ITGB8: variants seen among roughly 807,000 people sequenced by gnomAD.
ITGB8 encodes the protein integrin beta-8.
A neutral mutation model predicts 89.5 loss-of-function variants in ITGB8; 30 were observed. The observed-to-expected ratio is 0.34, with a 90% CI of 0.25 to 0.45. The LOEUF (loss-of-function observed/expected upper bound fraction) is 0.45, where lower values mean the gene tolerates loss of function less well. Ranked by LOEUF, ITGB8 falls within the 20% of genes least tolerant of loss-of-function variation. The pLI, the probability that ITGB8 is intolerant of heterozygous loss-of-function variation, is 1.00. For missense variants in ITGB8, 836 were observed against 933.3 expected, an observed-to-expected ratio of 0.90 and a Z score of 1.36; for synonymous variants, 335 against 320.4, an observed-to-expected ratio of 1.05 and a Z score of -0.49.
chr7:20,393,965 AT>A (rs1279334910), intron 7 of ITGB8, among the ~76,000 whole-genome samples: 1 of 152,206 alleles, frequency 6.6e-6, no homozygotes, highest in Non-Finnish European at 1.5e-5. Context: ...TGTCATTTAT[AT>A]GCTTGTGAGA....
rs1222532712 is a variant in ITGB8 at position 20,331,932 on chromosome 7, T to G, written c.126T>G (p.Gly42=). The G allele has an allele frequency of 1.2e-6, 2 of 1,613,538 alleles. No individual in the cohort carries two copies. Among genetic ancestry groups the G allele is most frequent in the Non-Finnish European group, 1.7e-6 (2 of 1,179,848 alleles). The part of the protein sequence containing the change: ...VFSLVLGLGQ[G]EDNRCASSNA... ...CACTTGTTCTTGGACTGGGCCAAGG[T>G]GGTAAGTTGTTTTGTTTTGTTTTGT... Residue 42 remains glycine (G), a splice_region_variant and synonymous_variant, in exon 1 of 14, where the codon GGT becomes GGG. Transcript: ENST00000222573.
At chr7:20,356,767 T>G (rs1419779205) in intron 1 of ITGB8, among the ~76,000 whole-genome samples, 1 of 152,196 alleles carries the variant, frequency 6.6e-6, no homozygotes, top group East Asian at 1.9e-4. Flanking sequence ...GAAATTTTAT[T>G]GACTTTACTA....
chr7:20,379,077 G>A lies in ITGB8; in HGVS notation c.415G>A (p.Val139Ile), dbSNP rs764549421. The A allele has an allele frequency of 1.3e-6, 2 of 1,591,424 alleles. No individual in the cohort carries two copies. Among genetic ancestry groups the A allele is most frequent in the Admixed American group, 1.8e-5 (1 of 57,056 alleles). Reference protein sequence around the residue: ...PGAEANFMLKVHPLKKYPVDL... With the variant: ...PGAEANFMLKIHPLKKYPVDL... ...AGCCGAAGCTAATTTTATGCTGAAA[G>A]TTCATCCTCTGAAGAAATATCCTGT... Residue 139 changes from valine to isoleucine, a missense_variant, in exon 4 of 14, where the codon GTT (valine) becomes ATT (isoleucine). Transcript: ENST00000222573.
At chr7:20,370,422 T>C (rs1037983259) in intron 3 of ITGB8, among the ~76,000 whole-genome samples, 1 of 151,322 alleles carries the variant, frequency 6.6e-6, no homozygotes, top group Non-Finnish European at 1.5e-5. Flanking sequence ...TAAAAAGTTA[T>C]AAATGTTTAT....
chr7:20,412,987 T>C lies in ITGB8; in HGVS notation c.*2990T>C, dbSNP rs1316694103. 2.6e-5 allele frequency: 4 copies of C among 152,508 alleles called. No individual in the cohort carries two copies. Among genetic ancestry groups the C allele is most frequent in the African/African-American group, 9.7e-5 (4 of 41,450 alleles). 9.4% of individuals were successfully genotyped at this position (152,508 alleles called of 1,614,324 possible). On this transcript the variant is annotated 3_prime_UTR_variant, in exon 14 of 14. Transcript: ENST00000222573. ...GAACAACACTTTTAGTACTGCAGCA[T>C]TTTTGTGCCCTAAAGTATGTAATGA...
Position 20,404,714 on chromosome 7 carries a change from C to A in ITGB8, c.1774C>A (p.His592Asn). Reference protein sequence around the residue: ...RCQCPSAAAQHCVNSKGQVCS... With the variant: ...RCQCPSAAAQNCVNSKGQVCS... ...CCAGTGCCCTTCAGCAGCAGCCCAG[C>A]ACTGTGTCAATTCAAAGGGCCAAGT... Residue 592 changes from histidine to asparagine, a missense_variant, in exon 11 of 14, where the codon CAC becomes AAC. Transcript: ENST00000222573. 6.2e-7 allele frequency: 1 copy of A among 1,614,188 alleles called. No individual in the cohort carries two copies. Among genetic ancestry groups the A allele is most frequent in the Non-Finnish European group, 8.5e-7 (1 of 1,180,020 alleles).
chr7:20,378,967 G>A, intron 3 of ITGB8, 84 bp from the exon 4 acceptor site: 3 of 1,075,512 alleles, frequency 2.8e-6, no homozygotes, highest in South Asian at 1.8e-5. Context: ...TGTGCTAGGT[G>A]CTAGAATGTG....
chr7:20,354,652 A>G (rs1300215958), intron 1 of ITGB8, among the ~76,000 whole-genome samples: 1 of 152,222 alleles, frequency 6.6e-6, no homozygotes. Flanking sequence ...TCAAGTCTGA[A>G]TATGGCTGCT....
intron 1 of ITGB8, among the ~76,000 whole-genome samples, chr7:20,346,050 G>T (rs1253942504): frequency 2.6e-5 from 4 of 152,088 alleles, no homozygotes; most frequent in African/African-American, 9.7e-5. Flanking sequence ...CAGGATGGTG[G>T]GTGACATAAT....
At chr7:20,407,776 A>G (rs1342120212) in intron 12 of ITGB8, among the ~76,000 whole-genome samples, 4 of 152,196 alleles carry the variant, frequency 2.6e-5, no homozygotes, top group Non-Finnish European at 4.4e-5. Flanking sequence ...TGTTACAAAA[A>G]GTATTCTCTT....
At chr7:20,407,346 T>TAA (rs577817113) in intron 12 of ITGB8, among the ~76,000 whole-genome samples, 1 of 144,256 alleles carries the variant, frequency 6.9e-6, no homozygotes, top group South Asian at 2.2e-4. Context: ...TAAAGCTGTT[T>TAA]AAAAAAAAAA....
At position 20,399,149 on chromosome 7, in the gene ITGB8, G is replaced by C; in HGVS notation, c.1281+155G>C. 5.6e-6 allele frequency: 4 copies of C among 710,624 alleles called. No individual in the cohort carries two copies. In the South Asian group the frequency reaches 6.3e-5, roughly 11 times the overall value. The allele number at this position is 710,624 out of a possible 1,614,324, so 44.0% of individuals were successfully genotyped here. A position where few individuals can be genotyped will look rare whatever the true frequency, so the allele number is the denominator to read the frequency against. ...GAAACTTTCATTGTCTCTCCTCAAA[G>C]TTCCTACTTGTTTTAGCTCAGCTGA... On this transcript the variant is annotated intron_variant, in intron 9 of 13. Transcript: ENST00000222573.
intron 3 of ITGB8, among the ~76,000 whole-genome samples, chr7:20,369,026 G>T (rs529324840): frequency 6.6e-6 from 1 of 152,180 alleles, no homozygotes; most frequent in African/African-American, 2.4e-5. Context: ...TCAGCTTTCT[G>T]ACTCAAATGA....
At chr7:20,381,108 C>T (rs772989796) in intron 5 of ITGB8, 2 of 292,628 alleles carry the variant, frequency 6.8e-6, no homozygotes, top group Non-Finnish European at 1.3e-5. Flanking sequence ...TCATGCGCCA[C>T]ACTCCAAGGA....
rs1218094017 is a variant in ITGB8, at chr7:20,410,574, A to G, written c.*577A>G. The G allele has an allele frequency of 6.6e-6, 1 of 152,336 alleles. No individual in the cohort carries two copies. The highest frequency in any genetic ancestry group is 1.5e-5 in the Non-Finnish European group (1 of 68,100). The allele number at this position is 152,336 out of a possible 1,614,324, so 9.4% of individuals were successfully genotyped here. A position where few individuals can be genotyped will look rare whatever the true frequency, so the allele number is the denominator to read the frequency against. ...AAGATTATTGCTTTTTAAAGTGTGTAGTTTTATGCATGTGTGTTTATGGTT... is the reference window on the plus strand; with the variant it reads ...AAGATTATTGCTTTTTAAAGTGTGTGGTTTTATGCATGTGTGTTTATGGTT... On this transcript the variant is annotated 3_prime_UTR_variant, in exon 14 of 14. Coordinates refer to ENST00000222573, the MANE Select transcript of ITGB8 (RefSeq NM_002214.3).
chr7:20,396,964 T>C (rs1185961950), intron 8 of ITGB8, among the ~76,000 whole-genome samples: 1 of 152,160 alleles, frequency 6.6e-6, no homozygotes, highest in Non-Finnish European at 1.5e-5. Flanking sequence ...GTTGGAATTC[T>C]GTTATTATTT....
chr7:20,367,944 A>C (rs892531254), intron 3 of ITGB8, among the ~76,000 whole-genome samples: 3 of 152,150 alleles, frequency 2.0e-5, no homozygotes, highest in African/African-American at 7.2e-5. Flanking sequence ...GATGCGCACC[A>C]CTCAATTGGA....
intron 3 of ITGB8, among the ~76,000 whole-genome samples, chr7:20,368,727 T>C (rs1226736148): frequency 6.6e-6 from 1 of 152,214 alleles, no homozygotes; most frequent in Non-Finnish European, 1.5e-5. Context: ...TTTATTTTTG[T>C]TATGCTCCTT....
intron 1 of ITGB8, among the ~76,000 whole-genome samples, chr7:20,362,721 T>C (rs904775640): frequency 5.3e-5 from 8 of 152,214 alleles, no homozygotes; most frequent in African/African-American, 1.9e-4. Flanking sequence ...CCAGTGTCCT[T>C]AGAACATCTT....
Sources: allele counts gnomAD v4.1 joint callset (sites outside exome capture counted in the v4.1 genomes callset), GRCh38; gene constraint gnomAD v4.1.1; transcripts MANE v1.5; gene names NCBI Gene and HGNC (gene_info 2026-07-23, HGNC 2026-07-21).